PLN: variants seen among roughly 807,000 people sequenced by gnomAD.
PLN encodes phospholamban.
A neutral mutation model predicts 3.9 loss-of-function variants in PLN; 1 was observed. That is an observed-to-expected ratio of 0.26 (90% confidence interval 0.09 to 1.23). The LOEUF (loss-of-function observed/expected upper bound fraction) is 1.23, where lower values mean the gene tolerates loss of function less well. PLN is among the 50% of genes most tolerant of loss of function. The pLI, the probability that PLN is intolerant of heterozygous loss-of-function variation, is 0.48. For synonymous variants in PLN, 21 were observed against 20.5 expected (o/e 1.02, Z -0.07); for missense variants, 59 against 62.7 (o/e 0.94, Z 0.20).
Position 118,559,008 on chromosome 6 carries a change from G to A in PLN, c.87G>A (p.Gln29=). ...CTCAACAAGCACGTCAAAAGCTACA[G>A]AATCTATTTATCAATTTCTGTCTCA... ...EMPQQARQKL[Q]NLFINFCLIL... Residue 29 remains glutamine (Q), a synonymous_variant, in exon 2 of 2, where the codon CAG becomes CAA. Transcript: ENST00000357525. 6.2e-7 allele frequency: 1 copy of A among 1,610,204 alleles called. No individual in the cohort carries two copies. Among genetic ancestry groups the A allele is most frequent in the Non-Finnish European group, 8.5e-7 (1 of 1,176,448 alleles).
chr6:118,550,338 T>A (rs1414457619), intron 1 of PLN, among the ~76,000 whole-genome samples: 2 of 151,776 alleles, frequency 1.3e-5, no homozygotes, highest in African/African-American at 2.4e-5. Context: ...ATTTTAATGT[T>A]TTAATGTACT....
chr6:118,552,340 A>G (rs933624710), intron 1 of PLN, among the ~76,000 whole-genome samples: 48 of 152,122 alleles, frequency 3.2e-4, no homozygotes, highest in African/African-American at 1.0e-3. Context: ...TACTTAAAGT[A>G]TAGATGGAGA....
intron 1 of PLN, among the ~76,000 whole-genome samples, chr6:118,555,797 C>T (rs903895033): frequency 1.3e-5 from 2 of 152,072 alleles, no homozygotes; most frequent in South Asian, 4.1e-4. Context: ...CCTCTGCCTC[C>T]TCCCATCCTC....
intron 1 of PLN, among the ~76,000 whole-genome samples, chr6:118,549,990 G>T (rs1583026438): frequency 1.3e-5 from 2 of 151,982 alleles, no homozygotes; most frequent in South Asian, 4.1e-4. Flanking sequence ...ACCTTAAGGT[G>T]CAAGTTAAGT....
At chr6:118,557,831 G>A (rs1391863783) in intron 1 of PLN, among the ~76,000 whole-genome samples, 1 of 152,180 alleles carries the variant, frequency 6.6e-6, no homozygotes, top group Admixed American at 6.5e-5. Context: ...TATTTGAATT[G>A]TTTTTGATCT....
chr6:118,551,890 G>A (rs1186104718), intron 1 of PLN, among the ~76,000 whole-genome samples: 1 of 151,992 alleles, frequency 6.6e-6, no homozygotes, highest in Non-Finnish European at 1.5e-5. Context: ...GTGAACTTTT[G>A]TAAGCCAACA....
chr6:118,558,847 T>A lies in PLN; in HGVS notation c.-75T>A, dbSNP rs936386545. On this transcript the variant is annotated 5_prime_UTR_variant, in exon 2 of 2. Coordinates refer to ENST00000357525, the MANE Select transcript of PLN (RefSeq NM_002667.5). ...CAGGCTACCTAAAAGAAGACAGTTATCTCATATTTGGCTGCCAGCTTTTTA... is the reference window on the plus strand; with the variant it reads ...CAGGCTACCTAAAAGAAGACAGTTAACTCATATTTGGCTGCCAGCTTTTTA... 3 of 995,450 alleles carry A rather than the reference T, an allele frequency of 3.0e-6. No homozygotes were observed. Among genetic ancestry groups the A allele is most frequent in the Non-Finnish European group, 3.2e-6 (2 of 620,700 alleles). 61.7% of individuals were successfully genotyped at this position (995,450 alleles called of 1,614,324 possible). A position where few individuals can be genotyped will look rare whatever the true frequency, so the allele number is the denominator to read the frequency against.
chr6:118,558,353 T>C (rs1583044801), intron 1 of PLN, among the ~76,000 whole-genome samples: 1 of 152,312 alleles, frequency 6.6e-6, no homozygotes, highest in East Asian at 1.9e-4. Context: ...AGTTTGGTGA[T>C]GTTTTTGTGA....
chr6:118,558,971 C>T lies in PLN; in HGVS notation c.50C>T (p.Thr17Ile). 6.2e-7 allele frequency: 1 copy of T among 1,612,814 alleles called. No individual in the cohort carries two copies. The highest frequency in any genetic ancestry group is 8.5e-7 in the Non-Finnish European group (1 of 1,178,860). The part of the protein sequence containing the change: ...LTRSAIRRAS[T>I]IEMPQQARQK... ...CGCTCAGCTATAAGAAGAGCCTCAA[C>T]CATTGAAATGCCTCAACAAGCACGT... The change falls in exon 2 of 2, where the codon ACC (threonine) becomes ATC (isoleucine). Residue 17 changes from threonine to isoleucine, a missense_variant. Physicochemically the swap from Thr to Ile is moderately conservative, Grantham distance 89. Transcript: ENST00000357525.
In PLN at chr6:118,558,936, A is replaced by G; in HGVS notation, c.15A>G (p.Gln5=). 1 of 1,613,538 alleles carries G rather than the reference A, an allele frequency of 6.2e-7. No homozygotes were observed. Among genetic ancestry groups the G allele is most frequent in the African/African-American group, 1.3e-5 (1 of 75,036 alleles). The change falls in exon 2 of 2, where the codon CAA becomes CAG. Residue 5 remains glutamine, a synonymous_variant. Coordinates refer to ENST00000357525, the MANE Select transcript of PLN (RefSeq NM_002667.5). MEKV[Q]YLTRSAIRRA... Reference sequence around the variant, plus strand: ...CTGCTGGTATCATGGAGAAAGTCCAATACCTCACTCGCTCAGCTATAAGAA... The same window carrying G: ...CTGCTGGTATCATGGAGAAAGTCCAGTACCTCACTCGCTCAGCTATAAGAA...
chr6:118,557,520 T>C (rs1256801591), intron 1 of PLN, among the ~76,000 whole-genome samples: 1 of 152,184 alleles, frequency 6.6e-6, no homozygotes, highest in African/African-American at 2.4e-5. Flanking sequence ...TTTCCTCCCA[T>C]ATCCCAAAAC....
rs1427658308 is a variant in PLN, at chr6:118,561,292, T to C, written c.*2212T>C. On this transcript the variant is annotated 3_prime_UTR_variant, in exon 2 of 2. Transcript: ENST00000357525. ...AAGTATCCCTAGTCTTAAAAACAAG[T>C]GGAAAATTTGAACTGATTAGTCATA... Among the ~76,000 whole-genome samples the C allele has an allele frequency of 2.0e-5, 3 of 152,188 alleles. No individual in the cohort carries two copies. The highest frequency in any genetic ancestry group is 1.3e-4 in the Admixed American group (2 of 15,280).
intron 1 of PLN, among the ~76,000 whole-genome samples, chr6:118,558,017 T>G (rs2114963013): frequency 6.6e-6 from 1 of 151,304 alleles, no homozygotes; most frequent in South Asian, 2.1e-4. Context: ...CAGGCTGGAG[T>G]ACAGTGGCAT....
At chr6:118,551,702 T>TATTG (rs1289375116) in intron 1 of PLN, among the ~76,000 whole-genome samples, 1 of 152,028 alleles carries the variant, frequency 6.6e-6, no homozygotes, top group Non-Finnish European at 1.5e-5. Flanking sequence ...AATGAGAATA[T>TATTG]ATTGATTTTT....
intron 1 of PLN, among the ~76,000 whole-genome samples, chr6:118,555,491 T>C (rs1316385935): frequency 6.6e-6 from 1 of 150,498 alleles, no homozygotes; most frequent in Non-Finnish European, 1.5e-5. Flanking sequence ...TCCAATCCAC[T>C]AGATCTACAA....
At chr6:118,550,512 C>T (rs1015060042) in intron 1 of PLN, among the ~76,000 whole-genome samples, 2 of 151,760 alleles carry the variant, frequency 1.3e-5, no homozygotes, top group Non-Finnish European at 1.5e-5. Context: ...CTAATATACT[C>T]GTGTACACAA....
chr6:118,550,439 TACCAATCCCAGAAATGAGGAGG>T (rs1778475588), intron 1 of PLN, among the ~76,000 whole-genome samples: 1 of 151,844 alleles, frequency 6.6e-6, no homozygotes, highest in Non-Finnish European at 1.5e-5. Context: ...GACAATATAT[TACCAATCCCAGAAATGAGGAGG>T]GCCAATGAAC....
rs191515264 is a variant in PLN, at chr6:118,561,510, T to G, written c.*2430T>G. 1.3e-5 allele frequency among the ~76,000 whole-genome samples: 2 copies of G among 152,110 alleles called. No homozygotes were observed. ...ATCATAAAGTGTAAAGAATAAGATA[T>G]AAGAAAACAATTTATTTTTAAAATT... On this transcript the variant is annotated 3_prime_UTR_variant, in exon 2 of 2. Coordinates refer to ENST00000357525, the MANE Select transcript of PLN (RefSeq NM_002667.5).
rs1258657504 is a variant in PLN, at chr6:118,560,043, A to T, written c.*963A>T. On this transcript the variant is annotated 3_prime_UTR_variant, in exon 2 of 2. Transcript: ENST00000357525. The stretch of plus-strand genomic sequence containing the variant: ...ACATCCAATGCAGGCAAGGAAAATA[A>T]AAGATTTCCAGTGACAGAAAAATAT... The T allele has an allele frequency of 4.2e-5, 7 of 167,126 alleles. No individual in the cohort carries two copies. Among genetic ancestry groups the T allele is most frequent in the Non-Finnish European group, 2.9e-5 (2 of 68,128 alleles). The allele number at this position is 167,126 out of a possible 1,614,324, so 10.4% of individuals were successfully genotyped here.
Sources: gnomAD v4.1 joint callset for allele counts (sites outside exome capture counted in the v4.1 genomes callset) on GRCh38, gnomAD v4.1.1 for gene constraint, MANE v1.5 for transcripts, NCBI Gene and HGNC (gene_info 2026-07-23, HGNC 2026-07-21) for gene names.